CCSER1: variants seen among roughly 807,000 people sequenced by gnomAD.
CCSER1 encodes serine-rich coiled-coil domain-containing protein 1.
Under a neutral mutation model 82.0 loss-of-function variants are expected in CCSER1, and 41 were observed. That is an observed-to-expected ratio of 0.50 (90% CI 0.39 to 0.65). CCSER1 has a LOEUF of 0.65. CCSER1 is among the 30% of genes least tolerant of loss of function. CCSER1 has a pLI of 0.00. For missense variants in CCSER1, 1,119 were observed against 1,064.2 expected, an observed-to-expected ratio of 1.05 and a Z score of -0.72; for synonymous variants, 414 against 383.9, an observed-to-expected ratio of 1.08 and a Z score of -0.92.
At chr4:91,579,616 T>A (rs565904312) in intron 10 of CCSER1, among the ~76,000 whole-genome samples, 9 of 151,944 alleles carry the variant, frequency 5.9e-5, no homozygotes, top group African/African-American at 2.2e-4. Context: ...TTCTGTGGTA[T>A]AAGGCTAGCC....
intron 1 of CCSER1, among the ~76,000 whole-genome samples, chr4:90,170,481 A>G (rs1282872482): frequency 6.6e-6 from 1 of 151,366 alleles, no homozygotes; most frequent in Non-Finnish European, 1.5e-5. Flanking sequence ...GATTTATTCT[A>G]ATTATATTTT....
At position 90,311,975 on chromosome 4, in the gene CCSER1, A is replaced by G. The variant is rs529745243; in HGVS notation, c.1325-888A>G. Among the ~76,000 whole-genome samples, 65 of 152,306 alleles carry G rather than the reference A, an allele frequency of 4.3e-4. No individual in the cohort carries two copies. The South Asian group carries it at 5.4e-3, about 13-fold the overall frequency. ...ACTGGGGATACTCAGTTAACATGCT[A>G]TATATATCAGATGGTGATAACTGCT... On this transcript the variant is annotated intron_variant, in intron 2 of 10. Coordinates refer to ENST00000509176, the MANE Select transcript of CCSER1 (RefSeq NM_001145065.2).
intron 10 of CCSER1, among the ~76,000 whole-genome samples, chr4:91,169,201 T>TAA (rs57715555): frequency 0.37 from 45,445 of 122,062 alleles, 9,292 homozygotes; most frequent in Non-Finnish European, 0.45. Context: ...CAATAAATAC[T>TAA]AAAAAAAAAA....
intron 3 of CCSER1, among the ~76,000 whole-genome samples, chr4:90,362,134 A>G (rs1745489184): frequency 6.6e-6 from 1 of 152,202 alleles, no homozygotes; most frequent in Admixed American, 6.5e-5. Flanking sequence ...TATTGTTGCC[A>G]TGAGTAGTAA....
At chr4:90,994,143 G>T (rs925446029) in intron 9 of CCSER1, among the ~76,000 whole-genome samples, 3 of 151,804 alleles carry the variant, frequency 2.0e-5, no homozygotes, top group Non-Finnish European at 2.9e-5. Context: ...AGGCTGTAGT[G>T]CATTATCATC....
At chr4:91,423,803 A>G (rs994248256) in intron 10 of CCSER1, among the ~76,000 whole-genome samples, 5 of 151,998 alleles carry the variant, frequency 3.3e-5, no homozygotes, top group Non-Finnish European at 7.4e-5. Context: ...CAAATCAACC[A>G]AGCAGTGTTC....
chr4:91,579,582 G>C (rs558765055), intron 10 of CCSER1, among the ~76,000 whole-genome samples: 1 of 151,894 alleles, frequency 6.6e-6, no homozygotes, highest in African/African-American at 2.4e-5. Context: ...AGTGGCTGAT[G>C]GAAAGAAAGG....
intron 1 of CCSER1, among the ~76,000 whole-genome samples, chr4:90,167,937 G>A (rs1167494019): frequency 3.3e-5 from 5 of 152,114 alleles, no homozygotes; most frequent in South Asian, 2.1e-4. Flanking sequence ...ATAAACATAC[G>A]TGTGCATGTG....
chr4:91,505,730 T>C (rs1759449013), intron 10 of CCSER1, among the ~76,000 whole-genome samples: 1 of 152,220 alleles, frequency 6.6e-6, no homozygotes, highest in African/African-American at 2.4e-5. Context: ...TGTTGGTGCA[T>C]GAATGTGTTC....
chr4:90,269,959 C>A (rs1269027951), intron 1 of CCSER1, among the ~76,000 whole-genome samples: 5 of 152,060 alleles, frequency 3.3e-5, no homozygotes, highest in African/African-American at 9.6e-5. Flanking sequence ...TATAACCTAC[C>A]AAGATTGACC....
intron 10 of CCSER1, among the ~76,000 whole-genome samples, chr4:91,418,299 T>C (rs1367025097): frequency 2.8e-5 from 1 of 36,096 alleles, no homozygotes; most frequent in East Asian, 9.2e-4. Flanking sequence ...AGAGATTTTT[T>C]AATTAAAAAA....
intron 7 of CCSER1, among the ~76,000 whole-genome samples, chr4:90,756,292 CTCTT>C: frequency 6.6e-6 from 1 of 152,214 alleles, no homozygotes; most frequent in Middle Eastern, 3.4e-3. Flanking sequence ...ATTGTTTACT[CTCTT>C]TCCAAATTCT....
At chr4:91,268,910 CA>C (rs1164749830) in intron 10 of CCSER1, among the ~76,000 whole-genome samples, 8 of 152,170 alleles carry the variant, frequency 5.3e-5, no homozygotes, top group African/African-American at 1.4e-4. Flanking sequence ...TCACTTGCTT[CA>C]GGCCATCTGG....
chr4:90,954,644 T>G (rs148720711), intron 9 of CCSER1, among the ~76,000 whole-genome samples: 1 of 152,248 alleles, frequency 6.6e-6, no homozygotes, highest in East Asian at 1.9e-4. Flanking sequence ...ATAAAACATG[T>G]GCTGAATGAA....
intron 10 of CCSER1, among the ~76,000 whole-genome samples, chr4:91,277,735 GGTTT>G (rs1024084740): frequency 3.3e-5 from 5 of 150,986 alleles, no homozygotes; most frequent in African/African-American, 1.2e-4. Flanking sequence ...TTTTGGGTTT[GGTTT>G]GTTCTTGCTT....
chr4:90,402,984 A>T (rs138699379), intron 4 of CCSER1, among the ~76,000 whole-genome samples: 1,544 of 152,328 alleles, frequency 0.01, 17 homozygotes, highest in South Asian at 0.03. Context: ...GTTTGCATAC[A>T]TGAAGTGCAA....
At position 91,133,335 on chromosome 4, in the gene CCSER1, G is replaced by A. The variant is rs17018077; in HGVS notation, c.2217+47341G>A. Among the ~76,000 whole-genome samples the A allele has an allele frequency of 9.3e-3, 1,421 of 152,232 alleles. 10 individuals carry two copies. Among genetic ancestry groups the A allele is most frequent in the African/African-American group, 0.022 (933 of 41,532 alleles). On this transcript the variant is annotated intron_variant, in intron 10 of 10. Transcript: ENST00000509176. ...AACAGAAGAATTCAGGTGTCAGAAA[G>A]TGCTAAGATTGTCTGTGGGACAGAG...
intron 9 of CCSER1, among the ~76,000 whole-genome samples, chr4:90,981,362 T>G (rs1310883059): frequency 6.6e-6 from 1 of 151,776 alleles, no homozygotes; most frequent in Non-Finnish European, 1.5e-5. Context: ...CGGATGAAAA[T>G]TTATTGAAGT....
intron 9 of CCSER1, among the ~76,000 whole-genome samples, chr4:90,982,763 G>T (rs971528054): frequency 2.6e-5 from 4 of 151,674 alleles, no homozygotes; most frequent in Admixed American, 1.3e-4. Context: ...AGAAAATAAG[G>T]TCATTCCTTT....
Sources: gnomAD v4.1 joint callset for allele counts (sites outside exome capture counted in the v4.1 genomes callset) on GRCh38, gnomAD v4.1.1 for gene constraint, MANE v1.5 for transcripts, NCBI Gene and HGNC (gene_info 2026-07-23, HGNC 2026-07-21) for gene names.